NPAS3: variants seen among roughly 807,000 people sequenced by gnomAD.
NPAS3 encodes the protein neuronal PAS domain-containing protein 3.
Under a neutral mutation model 73.1 loss-of-function variants are expected in NPAS3, and 14 were observed. That is an observed-to-expected ratio of 0.19 (90% CI 0.13 to 0.30). The LOEUF (loss-of-function observed/expected upper bound fraction) is 0.30, where lower values mean the gene tolerates loss of function less well. Ranked by LOEUF, NPAS3 falls within the 10% of genes least tolerant of loss-of-function variation. The pLI, the probability that NPAS3 is intolerant of heterozygous loss-of-function variation, is 1.00. For synonymous variants in NPAS3, 620 were observed against 541.5 expected (o/e 1.14, Z -2.01); for missense variants, 1,096 against 1,250.0 (o/e 0.88, Z 1.86).
At chr14:33,627,673 AAGG>A (rs1218446770) in intron 5 of NPAS3, among the ~76,000 whole-genome samples, 6 of 152,242 alleles carry the variant, frequency 3.9e-5, no homozygotes, top group African/African-American at 1.2e-4. Context: ...CAATAACAAA[AAGG>A]AGAAAGATTA....
intron 2 of NPAS3, among the ~76,000 whole-genome samples, chr14:33,073,807 C>A (rs2041565951): frequency 6.6e-6 from 1 of 152,264 alleles, no homozygotes; most frequent in Middle Eastern, 3.4e-3. Flanking sequence ...TTTTTGTAAC[C>A]TCTGTGTTTG....
chr14:33,577,651 T>C (rs771792819), intron 5 of NPAS3, among the ~76,000 whole-genome samples: 1 of 152,208 alleles, frequency 6.6e-6, no homozygotes, highest in African/African-American at 2.4e-5. Flanking sequence ...CTGAGACTTA[T>C]TCTCCTGCTG....
At chr14:33,235,717 A>T (rs993075785) in intron 3 of NPAS3, among the ~76,000 whole-genome samples, 1 of 151,734 alleles carries the variant, frequency 6.6e-6, no homozygotes, top group Non-Finnish European at 1.5e-5. Context: ...TGTATTTCTT[A>T]TCACTCTCAG....
chr14:33,050,339 A>G (rs1340058643), intron 1 of NPAS3, among the ~76,000 whole-genome samples: 1 of 152,204 alleles, frequency 6.6e-6, no homozygotes, highest in East Asian at 1.9e-4. Flanking sequence ...CTGTGGACTC[A>G]TAACAAATAG....
At chr14:33,039,522 G>A (rs1024611748) in intron 1 of NPAS3, among the ~76,000 whole-genome samples, 16 of 152,076 alleles carry the variant, frequency 1.1e-4, no homozygotes, top group African/African-American at 3.4e-4. Context: ...GTGGGCCCTC[G>A]CTTTGCCTCT....
chr14:33,797,901 C>T (rs776301072), intron 11 of NPAS3, among the ~76,000 whole-genome samples: 3 of 151,572 alleles, frequency 2.0e-5, no homozygotes, highest in Non-Finnish European at 2.9e-5. Flanking sequence ...TATATATACT[C>T]ACAGAACAAA....
chr14:33,483,182 A>G (rs777292732), intron 4 of NPAS3, among the ~76,000 whole-genome samples: 10 of 152,194 alleles, frequency 6.6e-5, no homozygotes, highest in Non-Finnish European at 1.2e-4. Context: ...TGCAAGTACT[A>G]TGAAACTTCA....
intron 2 of NPAS3, among the ~76,000 whole-genome samples, chr14:33,206,447 T>G (rs931386451): frequency 2.0e-5 from 3 of 152,266 alleles, no homozygotes; most frequent in African/African-American, 4.8e-5. Flanking sequence ...CTCCCAGTTT[T>G]GGGGGATGGG....
intron 1 of NPAS3, among the ~76,000 whole-genome samples, chr14:32,942,756 G>A (rs2036076154): frequency 6.6e-6 from 1 of 152,164 alleles, no homozygotes; most frequent in African/African-American, 2.4e-5. Context: ...GGTGATAAAT[G>A]ATTATATGCA....
At chr14:33,495,595 T>G (rs1323607071) in intron 4 of NPAS3, among the ~76,000 whole-genome samples, 1 of 152,104 alleles carries the variant, frequency 6.6e-6, no homozygotes, top group Non-Finnish European at 1.5e-5. Flanking sequence ...CCACTATTAT[T>G]GCGTGGGAGT....
intron 4 of NPAS3, among the ~76,000 whole-genome samples, chr14:33,426,833 A>G (rs1053423538): frequency 1.3e-5 from 2 of 152,016 alleles, no homozygotes; most frequent in Admixed American, 6.6e-5. Context: ...TTTATCATGG[A>G]AAGTTTGAGA....
At chr14:33,773,601 G>A (rs2062722902) in intron 7 of NPAS3, among the ~76,000 whole-genome samples, 1 of 152,156 alleles carries the variant, frequency 6.6e-6, no homozygotes, top group African/African-American at 2.4e-5. Context: ...TTTTGGCCAA[G>A]AAACTGAAAA....
intron 3 of NPAS3, among the ~76,000 whole-genome samples, chr14:33,275,238 G>A (rs758129859): frequency 6.6e-5 from 10 of 152,116 alleles, no homozygotes; most frequent in Non-Finnish European, 1.5e-4. Flanking sequence ...CATGTTTTTT[G>A]TGGTTCCCTG....
chr14:33,282,924 A>G (rs530433966), intron 3 of NPAS3, among the ~76,000 whole-genome samples: 1 of 152,310 alleles, frequency 6.6e-6, no homozygotes, highest in South Asian at 2.1e-4. Context: ...CAAAGACTAC[A>G]GAAGCCTAAC....
At chr14:33,529,222 T>G (rs2053933838) in intron 4 of NPAS3, among the ~76,000 whole-genome samples, 1 of 152,136 alleles carries the variant, frequency 6.6e-6, no homozygotes, top group Non-Finnish European at 1.5e-5. Flanking sequence ...TACACTTTTC[T>G]CAAGGTAGCT....
At chr14:33,230,370 A>AGACT (rs1436209757) in intron 3 of NPAS3, among the ~76,000 whole-genome samples, 2 of 152,200 alleles carry the variant, frequency 1.3e-5, no homozygotes, top group Non-Finnish European at 2.9e-5. Context: ...CTACAGCAAC[A>AGACT]GACTCTGCTA....
intron 2 of NPAS3, among the ~76,000 whole-genome samples, chr14:33,155,922 C>G (rs936967130): frequency 2.0e-5 from 3 of 152,166 alleles, no homozygotes; most frequent in Admixed American, 6.5e-5. Flanking sequence ...TTCAGATGCC[C>G]TCTGTCAATT....
At chr14:33,201,124 AAGAC>A (rs1351803112) in intron 2 of NPAS3, among the ~76,000 whole-genome samples, 4 of 152,370 alleles carry the variant, frequency 2.6e-5, no homozygotes, top group Non-Finnish European at 5.9e-5. Flanking sequence ...ATGAGAGAGA[AAGAC>A]AGAAGGCATT....
intron 7 of NPAS3, among the ~76,000 whole-genome samples, chr14:33,738,018 T>A (rs1304133394): frequency 6.6e-6 from 1 of 152,198 alleles, no homozygotes; most frequent in African/African-American, 2.4e-5. Flanking sequence ...TCCATCACTT[T>A]ATCTGTTGTT....
Sources: gnomAD v4.1 joint callset for allele counts (sites outside exome capture counted in the v4.1 genomes callset) on GRCh38, gnomAD v4.1.1 for gene constraint, MANE v1.5 for transcripts, NCBI Gene and HGNC (gene_info 2026-07-23, HGNC 2026-07-21) for gene names.